The following PTPRT variants were observed in gnomAD, a reference collection of about 807,000 sequenced individuals.
PTPRT encodes the protein protein tyrosine phosphatase receptor type T, also known as receptor-type tyrosine-protein phosphatase T.
Under a neutral mutation model 176.8 loss-of-function variants are expected in PTPRT, and 56 were observed. The ratio of observed to expected loss-of-function variants is 0.32; its 90% CI spans 0.26 to 0.40. The LOEUF (loss-of-function observed/expected upper bound fraction) is 0.40. Among genes scored for constraint, PTPRT ranks in the 10% least tolerant of loss-of-function variants. PTPRT has a pLI of 1.00. For synonymous variants in PTPRT, 783 were observed against 739.0 expected, an observed-to-expected ratio of 1.06 and a Z score of -0.96; for missense variants, 1,540 against 1,908.2, an observed-to-expected ratio of 0.81 and a Z score of 3.60.
chr20:43,123,463 T>C (rs539054877), intron 1 of PTPRT, among the ~76,000 whole-genome samples: 1 of 152,310 alleles, frequency 6.6e-6, no homozygotes, highest in Admixed American at 6.5e-5. Flanking sequence ...GAGTTAGATC[T>C]TCCAGGGAGT....
At chr20:42,115,967 A>G in intron 21 of PTPRT, 2 of 707,750 alleles carry the variant, frequency 2.8e-6, no homozygotes, top group Non-Finnish European at 5.3e-6. Context: ...TCCCCAGTCG[A>G]CTGTTTAAGT....
chr20:42,490,766 C>T (rs987171528), intron 7 of PTPRT, among the ~76,000 whole-genome samples: 1 of 152,042 alleles, frequency 6.6e-6, no homozygotes, highest in African/African-American at 2.4e-5. Context: ...CTCCCTGCTC[C>T]AAAAAGGAAT....
At chr20:42,391,413 A>G (rs764407199) in intron 9 of PTPRT, among the ~76,000 whole-genome samples, 1 of 152,186 alleles carries the variant, frequency 6.6e-6, no homozygotes, top group East Asian at 1.9e-4. Context: ...ATCTGAACAC[A>G]TAACATGGCA....
intron 1 of PTPRT, among the ~76,000 whole-genome samples, chr20:43,034,109 C>T (rs1321457392): frequency 6.6e-6 from 1 of 152,254 alleles, no homozygotes; most frequent in East Asian, 1.9e-4. Context: ...TCTTTCCTGA[C>T]TGTGTGTTCC....
At chr20:42,953,660 C>G (rs1231307629) in intron 1 of PTPRT, among the ~76,000 whole-genome samples, 1 of 152,104 alleles carries the variant, frequency 6.6e-6, no homozygotes, top group East Asian at 1.9e-4. Context: ...CTAAAGCTGC[C>G]CAGCCCGTGG....
chr20:42,633,191 C>A (rs748178630), intron 7 of PTPRT, among the ~76,000 whole-genome samples: 2 of 152,068 alleles, frequency 1.3e-5, no homozygotes, highest in Non-Finnish European at 2.9e-5. Context: ...ATTTCAAAGG[C>A]AATAGAAACC....
At chr20:42,383,528 G>A (rs1167687686) in intron 9 of PTPRT, among the ~76,000 whole-genome samples, 1 of 152,184 alleles carries the variant, frequency 6.6e-6, no homozygotes, top group Non-Finnish European at 1.5e-5. Context: ...TGGCCAACTA[G>A]TTGAATTCAG....
intron 14 of PTPRT, among the ~76,000 whole-genome samples, chr20:42,240,160 C>T (rs543967665): frequency 3.3e-4 from 51 of 152,304 alleles, no homozygotes; most frequent in African/African-American, 1.2e-3. Context: ...CTGGGTGTCA[C>T]CAAAAGCCTT....
At chr20:43,144,190 C>T (rs766669892) in intron 1 of PTPRT, among the ~76,000 whole-genome samples, 1 of 152,190 alleles carries the variant, frequency 6.6e-6, no homozygotes, top group Non-Finnish European at 1.5e-5. Flanking sequence ...AAGCTTCAGA[C>T]TCAAATACTC....
intron 1 of PTPRT, among the ~76,000 whole-genome samples, chr20:42,977,451 A>C (rs1254043448): frequency 6.6e-6 from 1 of 152,200 alleles, no homozygotes; most frequent in Non-Finnish European, 1.5e-5. Context: ...TACACTTTCC[A>C]ATTTTAAAAG....
chr20:42,870,027 T>C (rs557631480), intron 2 of PTPRT, among the ~76,000 whole-genome samples: 39 of 152,270 alleles, frequency 2.6e-4, no homozygotes, highest in Admixed American at 1.9e-3. Flanking sequence ...CCAAACATAA[T>C]GGTGCCTTAA....
chr20:42,853,404 A>G (rs373058598), intron 2 of PTPRT, among the ~76,000 whole-genome samples: 4 of 152,142 alleles, frequency 2.6e-5, no homozygotes, highest in African/African-American at 9.7e-5. Context: ...TTCAAGTCCT[A>G]AAGCCTGAGA....
At chr20:42,498,315 G>A (rs766872663) in intron 7 of PTPRT, among the ~76,000 whole-genome samples, 2 of 152,138 alleles carry the variant, frequency 1.3e-5, no homozygotes, top group African/African-American at 2.4e-5. Flanking sequence ...GGCAGGGGCG[G>A]TTGGACATGT....
intron 1 of PTPRT, among the ~76,000 whole-genome samples, chr20:43,090,816 T>C (rs985801646): frequency 6.6e-6 from 1 of 151,072 alleles, no homozygotes; most frequent in African/African-American, 2.5e-5. Context: ...AGAGAGATCA[T>C]AGACAAAATA....
At chr20:42,289,826 A>C (rs2057290580) in intron 12 of PTPRT, among the ~76,000 whole-genome samples, 1 of 152,050 alleles carries the variant, frequency 6.6e-6, no homozygotes, top group Non-Finnish European at 1.5e-5. Flanking sequence ...ACACGTTTTA[A>C]AGTCTGTTTT....
chr20:42,493,929 C>T (rs938356865), intron 7 of PTPRT, among the ~76,000 whole-genome samples: 5 of 151,432 alleles, frequency 3.3e-5, no homozygotes, highest in African/African-American at 1.2e-4. Context: ...TTTAACCTCC[C>T]CATCTTCAGT....
intron 9 of PTPRT, among the ~76,000 whole-genome samples, chr20:42,413,486 A>T (rs2059036400): frequency 6.6e-6 from 1 of 152,190 alleles, no homozygotes; most frequent in Non-Finnish European, 1.5e-5. Context: ...GGTAGGCTTA[A>T]AAACCCCCAG....
chr20:42,511,419 G>A (rs934489881), intron 7 of PTPRT, among the ~76,000 whole-genome samples: 16 of 152,216 alleles, frequency 1.1e-4, no homozygotes, highest in Non-Finnish European at 1.8e-4. Flanking sequence ...AGAGAAACTC[G>A]AAGGAAGCCA....
At chr20:42,198,254 T>C (rs1991308930) in intron 16 of PTPRT, among the ~76,000 whole-genome samples, 1 of 152,216 alleles carries the variant, frequency 6.6e-6, no homozygotes, top group Non-Finnish European at 1.5e-5. Context: ...ATACTAAGGA[T>C]CTTACAGGAC....
Sources: allele counts gnomAD v4.1 joint callset (sites outside exome capture counted in the v4.1 genomes callset), GRCh38; gene constraint gnomAD v4.1.1; transcripts MANE v1.5; gene names NCBI Gene and HGNC (gene_info 2026-07-23, HGNC 2026-07-21).